Variants in ELP3 observed in about 807,000 individuals in gnomAD.
ELP3 encodes elongator acetyltransferase complex subunit 3, also known as elongator complex protein 3.
In ELP3, 56 loss-of-function variants were observed where a neutral mutation model predicts 74.9. The observed-to-expected ratio is 0.75, with a 90% CI of 0.60 to 0.93. ELP3 has a LOEUF of 0.93. Among genes scored for constraint, ELP3 ranks in the 40% least tolerant of loss-of-function variants. The pLI is 0.00. For missense variants in ELP3, 573 were observed against 686.5 expected (o/e 0.83, Z 1.85); for synonymous variants, 222 against 239.8 (o/e 0.93, Z 0.68).
At chr8:28,106,922 C>A (rs1488375190) in intron 4 of ELP3, 139 bp downstream of exon 4, 2 of 629,780 alleles carry the variant, frequency 3.2e-6, no homozygotes, top group East Asian at 2.9e-5. Context: ...TTCAAACAAG[C>A]AACCATTGGT....
chr8:28,180,282 A>G (rs772886950), intron 14 of ELP3, among the ~76,000 whole-genome samples: 3 of 152,112 alleles, frequency 2.0e-5, no homozygotes, highest in Admixed American at 6.5e-5. Flanking sequence ...AGACATATTT[A>G]TTGTATCCAC....
intron 1 of ELP3, among the ~76,000 whole-genome samples, chr8:28,094,732 ACT>A (rs1811186622): frequency 1.3e-5 from 2 of 151,374 alleles, no homozygotes; most frequent in Admixed American, 6.6e-5. Context: ...ACCGAGCAAG[ACT>A]CTGTCTCAAA....
At chr8:28,111,080 A>G (rs776821213) in intron 6 of ELP3, among the ~76,000 whole-genome samples, 1 of 152,172 alleles carries the variant, frequency 6.6e-6, no homozygotes, top group African/African-American at 2.4e-5. Flanking sequence ...ACCTGTCTCA[A>G]AAAGAAGTAT....
intron 6 of ELP3, among the ~76,000 whole-genome samples, chr8:28,112,175 A>T (rs990868761): frequency 6.6e-6 from 1 of 151,514 alleles, no homozygotes; most frequent in African/African-American, 2.4e-5. Flanking sequence ...ACAGAGTGTC[A>T]CTCTTGTTGC....
intron 11 of ELP3, among the ~76,000 whole-genome samples, chr8:28,157,137 C>A (rs1813859958): frequency 6.6e-6 from 1 of 152,080 alleles, no homozygotes. Context: ...AACCCTCACC[C>A]CTCATAAGCC....
At chr8:28,104,507 C>G (rs1353617431) in intron 3 of ELP3, among the ~76,000 whole-genome samples, 2 of 152,234 alleles carry the variant, frequency 1.3e-5, no homozygotes, top group Non-Finnish European at 2.9e-5. Context: ...TCAGAATCAC[C>G]TGTTGCATTT....
chr8:28,139,587 A>G (rs543786831), intron 10 of ELP3, among the ~76,000 whole-genome samples: 3 of 152,150 alleles, frequency 2.0e-5, no homozygotes, highest in Admixed American at 6.5e-5. Context: ...TTTTCTTGTC[A>G]TTACTCCCTA....
At chr8:28,099,781 T>A in intron 2 of ELP3, 47 bp from the exon 3 acceptor site, 1 of 1,609,702 alleles carries the variant, frequency 6.2e-7, no homozygotes, top group East Asian at 2.2e-5. Context: ...TGGTAGCTTG[T>A]CCTTAAATAA....
chr8:28,137,393 G>A (rs548254566), intron 9 of ELP3, among the ~76,000 whole-genome samples: 1 of 152,264 alleles, frequency 6.6e-6, no homozygotes, highest in African/African-American at 2.4e-5. Flanking sequence ...GAACTTTCCA[G>A]GCAAAGGAAA....
At chr8:28,095,417 T>A (rs755573255) in intron 1 of ELP3, among the ~76,000 whole-genome samples, 8 of 152,222 alleles carry the variant, frequency 5.3e-5, no homozygotes, top group Non-Finnish European at 8.8e-5. Context: ...TCCTCCTTTT[T>A]TTCCTCCATG....
chr8:28,178,212 C>T (rs1298667381), intron 14 of ELP3, among the ~76,000 whole-genome samples: 3 of 152,088 alleles, frequency 2.0e-5, no homozygotes, highest in Non-Finnish European at 4.4e-5. Context: ...AATTGTCACC[C>T]AAAGACCTTA....
chr8:28,103,875 A>G (rs1250509295), intron 3 of ELP3, among the ~76,000 whole-genome samples: 2 of 152,198 alleles, frequency 1.3e-5, no homozygotes, highest in East Asian at 1.9e-4. Context: ...GACAACAGGC[A>G]TGCACCACCA....
At chr8:28,135,041 G>T (rs1812929880) in intron 9 of ELP3, among the ~76,000 whole-genome samples, 1 of 151,800 alleles carries the variant, frequency 6.6e-6, no homozygotes, top group African/African-American at 2.4e-5. Flanking sequence ...CAATTCTCCT[G>T]CCTCAGCCTT....
chr8:28,110,637 T>C (rs1811881157), intron 6 of ELP3, 199 bp downstream of exon 6: 1 of 510,598 alleles, frequency 2.0e-6, no homozygotes, highest in Non-Finnish European at 3.4e-6. Flanking sequence ...TTAAAGACTG[T>C]ATTTATTGTT....
At chr8:28,113,352 A>G (rs1811996205) in intron 7 of ELP3, among the ~76,000 whole-genome samples, 179 bp downstream of exon 7, 2 of 139,270 alleles carry the variant, frequency 1.4e-5, no homozygotes, top group South Asian at 4.6e-4. Flanking sequence ...AATCTTTTCC[A>G]GTGAAAATAA....
chr8:28,169,360 T>A (rs1194802235), intron 14 of ELP3, among the ~76,000 whole-genome samples: 1 of 152,180 alleles, frequency 6.6e-6, no homozygotes, highest in Non-Finnish European at 1.5e-5. Context: ...GGTCAGAAAT[T>A]CAGCAGGGCA....
chr8:28,128,084 A>T (rs1047262367), intron 7 of ELP3, among the ~76,000 whole-genome samples: 1 of 152,196 alleles, frequency 6.6e-6, no homozygotes, highest in Non-Finnish European at 1.5e-5. Flanking sequence ...AAGGAAAATA[A>T]ATGGGAAATT....
At chr8:28,125,039 C>G (rs1585673029) in intron 7 of ELP3, among the ~76,000 whole-genome samples, 1 of 152,180 alleles carries the variant, frequency 6.6e-6, no homozygotes. Context: ...GCATCACTAG[C>G]AGAGCATTGG....
intron 5 of ELP3, among the ~76,000 whole-genome samples, chr8:28,109,632 G>A (rs538784140): frequency 3.9e-5 from 6 of 152,270 alleles, no homozygotes; most frequent in African/African-American, 1.2e-4. Flanking sequence ...AGTGGAACCC[G>A]AATCTGAACA....
Sources: allele counts gnomAD v4.1 joint callset (sites outside exome capture counted in the v4.1 genomes callset), GRCh38; gene constraint gnomAD v4.1.1; transcripts MANE v1.5; gene names NCBI Gene and HGNC (gene_info 2026-07-23, HGNC 2026-07-21).